Variants in ADGRL1 observed in about 807,000 individuals in gnomAD.
ADGRL1 encodes the protein adhesion G protein-coupled receptor L1, also known as CIRL-1.
A neutral mutation model predicts 148.9 loss-of-function variants in ADGRL1; 31 were observed. The ratio of observed to expected loss-of-function variants is 0.21; its 90% CI spans 0.16 to 0.28. The LOEUF (loss-of-function observed/expected upper bound fraction) is 0.28. Ranked by LOEUF, ADGRL1 falls within the 10% of genes least tolerant of loss-of-function variation. The pLI is 1.00. For missense variants in ADGRL1, 1,521 were observed against 2,058.8 expected, an observed-to-expected ratio of 0.74 and a Z score of 5.05; for synonymous variants, 937 against 900.3, an observed-to-expected ratio of 1.04 and a Z score of -0.73.
intron 4 of ADGRL1, chr19:14,169,195 G>A (rs1166270457): frequency 1.3e-5 from 2 of 152,286 alleles, no homozygotes; most frequent in Non-Finnish European, 2.9e-5. Context: ...CCCTTGGGAA[G>A]TTTACACTCG....
chr19:14,167,266 ACAGT>A (rs999879495), intron 4 of ADGRL1, among the ~76,000 whole-genome samples: 2 of 151,768 alleles, frequency 1.3e-5, no homozygotes, highest in African/African-American at 4.8e-5. Flanking sequence ...TGCTGGGGAG[ACAGT>A]CAGAGGGACG....
chr19:14,164,965 C>A (rs754486218), intron 4 of ADGRL1, among the ~76,000 whole-genome samples: 20 of 152,194 alleles, frequency 1.3e-4, no homozygotes, highest in Non-Finnish European at 2.5e-4. Context: ...GCAGTGAATT[C>A]TCTGCTCTTG....
chr19:14,149,205 G>C lies in ADGRL1; in HGVS notation c.*1668C>G, dbSNP rs76739866. ...GGGACAGGTGCTCAGGACACATCCC[G>C]AGCCTGGAGCTTCCGGGGTCTGGGA... On this transcript the variant is annotated 3_prime_UTR_variant, in exon 23 of 23. Transcript: ENST00000361434. 1 of 152,156 alleles carries C rather than the reference G, an allele frequency of 6.6e-6. No individual in the cohort carries two copies. The highest frequency in any genetic ancestry group is 2.1e-4 in the South Asian group (1 of 4,836). 9.4% of individuals were successfully genotyped at this position (152,156 alleles called of 1,614,324 possible).
intron 3 of ADGRL1, among the ~76,000 whole-genome samples, chr19:14,172,595 C>T (rs1450076082): frequency 2.0e-5 from 3 of 151,958 alleles, no homozygotes; most frequent in Non-Finnish European, 4.4e-5. Flanking sequence ...CAAAAATTAG[C>T]CAGGCGTGGT....
At chr19:14,171,057 C>A (rs188334456) in intron 3 of ADGRL1, 64 of 375,680 alleles carry the variant, frequency 1.7e-4, no homozygotes, top group Non-Finnish European at 2.6e-4. Flanking sequence ...CCATCCCCTC[C>A]GTGCTGTTGA....
At chr19:14,181,671 G>T (rs1292043160) in intron 2 of ADGRL1, among the ~76,000 whole-genome samples, 3 of 151,604 alleles carry the variant, frequency 2.0e-5, no homozygotes, top group African/African-American at 7.3e-5. Flanking sequence ...AGTGAGCCGA[G>T]ATCACACCAC....
chr19:14,194,495 T>C (rs1972134293), intron 1 of ADGRL1, among the ~76,000 whole-genome samples: 2 of 152,220 alleles, frequency 1.3e-5, no homozygotes, highest in African/African-American at 4.8e-5. Context: ...CCCGAGCAGC[T>C]TCCACGTGTA....
At chr19:14,176,031 G>C (rs531990307) in intron 3 of ADGRL1, among the ~76,000 whole-genome samples, 2 of 150,984 alleles carry the variant, frequency 1.3e-5, no homozygotes, top group Non-Finnish European at 2.9e-5. Flanking sequence ...TGCAGCCTGG[G>C]CGACAGAGCA....
rs935170650 is a variant in ADGRL1 at position 14,163,499 on chromosome 19, G to C, written c.395-93C>G. On this transcript the variant is annotated intron_variant, in intron 4 of 22. Transcript: ENST00000361434. ...GAGAGAGAGAGAGAGAGAGAGAGAG[G>C]GGGGAGAGAGGCAAGTTGGTCACGC... 157 of 740,276 alleles carry C rather than the reference G, an allele frequency of 2.1e-4. 1 individual carries two copies. In the East Asian group the frequency reaches 3.9e-3, roughly 18 times the overall value. 45.9% of individuals were successfully genotyped at this position (740,276 alleles called of 1,614,324 possible).
At chr19:14,165,265 G>A (rs535964685) in intron 4 of ADGRL1, among the ~76,000 whole-genome samples, 1 of 152,310 alleles carries the variant, frequency 6.6e-6, no homozygotes, top group South Asian at 2.1e-4. Flanking sequence ...GGGCCCTGGG[G>A]ACTGGCCATC....
At chr19:14,184,634 A>ATTTTTTTTTTTT (rs1166987303) in intron 1 of ADGRL1, among the ~76,000 whole-genome samples, 2 of 119,052 alleles carry the variant, frequency 1.7e-5, no homozygotes, top group African/African-American at 8.3e-5. Context: ...TTATTTATTT[A>ATTTTTTTTTTTT]TTTATTTATT....
At chr19:14,182,990 C>A (rs1322366647) in intron 2 of ADGRL1, among the ~76,000 whole-genome samples, 1 of 152,134 alleles carries the variant, frequency 6.6e-6, no homozygotes, top group Non-Finnish European at 1.5e-5. Flanking sequence ...CCCGCCCTTG[C>A]CCCCGGCCTG....
rs114406545 is a variant in ADGRL1 at position 14,185,243 on chromosome 19, C to A, written c.-95-1546G>T. On this transcript the variant is annotated intron_variant, in intron 1 of 22. Transcript: ENST00000361434. ...CCTGGTTCTCCAGGTGTGGTCCCAG[C>A]ACACTGGCATCAGCCTTGCCAGGAA... Among the ~76,000 whole-genome samples the A allele has an allele frequency of 9.4e-3, 1,427 of 152,314 alleles. 31 individuals carry two copies. Among genetic ancestry groups the A allele is most frequent in the African/African-American group, 0.033 (1,359 of 41,556 alleles).
At position 14,155,277 on chromosome 19, in the gene ADGRL1, C is replaced by G. The variant is rs1426228635; in HGVS notation, c.3294+82G>C. ...GGGCTTGAGGGAGCCCCTGAGTCCC[C>G]TCCACCCTCGCCGCCTTCTCCTGGG... On this transcript the variant is annotated intron_variant, in intron 18 of 22. Coordinates refer to ENST00000361434, the MANE Select transcript of ADGRL1 (RefSeq NM_014921.5). The surrounding 1 kb of genome is among the most constrained non-coding windows in gnomAD (Gnocchi z 5.0). The G allele has an allele frequency of 1.3e-6, 2 of 1,527,828 alleles. No homozygotes were observed. Among genetic ancestry groups the G allele is most frequent in the African/African-American group, 1.4e-5 (1 of 72,920 alleles). The allele number at this position is 1,527,828 out of a possible 1,614,324, so 94.6% of individuals were successfully genotyped here.
intron 3 of ADGRL1, among the ~76,000 whole-genome samples, chr19:14,171,656 C>T (rs1323847096): frequency 1.3e-5 from 2 of 152,210 alleles, no homozygotes; most frequent in African/African-American, 4.8e-5. Context: ...CACACCATCT[C>T]GTGGACACAT....
chr19:14,156,334 CCT>C (rs989849634), intron 16 of ADGRL1, 133 bp from the exon 17 acceptor site: 35 of 713,670 alleles, frequency 4.9e-5, no homozygotes, highest in South Asian at 2.9e-4. Context: ...CGTACCTGCC[CCT>C]GAGGTGCCCG....
rs1180273561 is a variant in ADGRL1, at chr19:14,159,928, G to C, written c.1801-155C>G. ...ATTCCTCAGGGATCCCCAACCCCCA[G>C]GACCATCCGGGGCAGCACAGGAGTG... is the stretch of plus-strand genomic sequence containing the variant. On this transcript the variant is annotated intron_variant, in intron 8 of 22. Coordinates refer to ENST00000361434, the MANE Select transcript of ADGRL1 (RefSeq NM_014921.5). The surrounding 1 kb of genome is among the most constrained non-coding windows in gnomAD (Gnocchi z 6.0). Among the ~76,000 whole-genome samples the C allele has an allele frequency of 6.6e-6, 1 of 152,140 alleles. No individual in the cohort carries two copies. The highest frequency in any genetic ancestry group is 1.5e-5 in the Non-Finnish European group (1 of 68,018).
At position 14,177,530 on chromosome 19, in the gene ADGRL1, C is replaced by A; in HGVS notation, c.284+1G>T. ...AGGAACTGCCACGAGAGCCCACTCA[C>A]CTCTGTGACATGATCTTGAAGGCGT... On this transcript the variant is annotated splice_donor_variant, in intron 3 of 22. Transcript: ENST00000361434. LOFTEE classifies it high-confidence loss of function. 6.2e-7 allele frequency: 1 copy of A among 1,613,928 alleles called. No individual in the cohort carries two copies. The highest frequency in any genetic ancestry group is 1.7e-4 in the Middle Eastern group (1 of 6,060).
At chr19:14,154,632 A>G (rs1373241326) in intron 18 of ADGRL1, among the ~76,000 whole-genome samples, 10 of 151,308 alleles carry the variant, frequency 6.6e-5, no homozygotes, top group Non-Finnish European at 7.4e-5. Context: ...TTGGAGACAG[A>G]GTTTTGCTCT....
Sources: allele counts gnomAD v4.1 joint callset (sites outside exome capture counted in the v4.1 genomes callset), GRCh38; gene constraint gnomAD v4.1.1; non-coding constraint Gnocchi (gnomAD v3.1); transcripts MANE v1.5; gene names NCBI Gene and HGNC (gene_info 2026-07-23, HGNC 2026-07-21).